The following METTL13 variants were observed in gnomAD, a reference collection of about 807,000 sequenced individuals.
METTL13 encodes the protein eEF1A lysine and N-terminal methyltransferase.
METTL13 carries 52 observed loss-of-function variants against 67.4 expected under a neutral mutation model. That is an observed-to-expected ratio of 0.77 (90% CI 0.62 to 0.97). The LOEUF (loss-of-function observed/expected upper bound fraction) is 0.97, where lower values mean the gene tolerates loss of function less well. METTL13 is among the 50% of genes least tolerant of loss of function. The pLI is 0.00. For synonymous variants in METTL13, 354 were observed against 353.6 expected, an observed-to-expected ratio of 1.00 and a Z score of -0.01; for missense variants, 825 against 889.6, an observed-to-expected ratio of 0.93 and a Z score of 0.92.
rs751149292 is a variant in METTL13, at chr1:171,784,509, G to T, written c.913+10G>T. The T allele has an allele frequency of 3.8e-5, 57 of 1,495,442 alleles. No homozygotes were observed. Among genetic ancestry groups the T allele is most frequent in the Non-Finnish European group, 4.9e-5 (55 of 1,124,136 alleles). The allele number at this position is 1,495,442 out of a possible 1,614,324, so 92.6% of individuals were successfully genotyped here. ...TTTGCGATTTTCATCAGTGAGTTGG[G>T]ATTGCTCCCTCTCTTCCCTGGAGGG... On this transcript the variant is annotated intron_variant, in intron 2 of 7. Coordinates refer to ENST00000361735, the MANE Select transcript of METTL13 (RefSeq NM_015935.5).
At chr1:171,796,451 G>A (rs2232826) in intron 7 of METTL13, 31 bp from the exon 8 acceptor site, 446,022 of 1,609,422 alleles carry the variant, frequency 0.28, 64,354 homozygotes, top group East Asian at 0.56. Context: ...CCTGATGTGA[G>A]GTCATTCTGA....
At position 171,796,402 on chromosome 1, in the gene METTL13, G is replaced by C. The variant is rs1466491306; in HGVS notation, c.1826-80G>C. 9.1e-6 allele frequency: 14 copies of C among 1,530,552 alleles called. No homozygotes were observed. The East Asian group carries it at 2.9e-4, about 32-fold the overall frequency. 94.8% of individuals were successfully genotyped at this position (1,530,552 alleles called of 1,614,324 possible). A position where few individuals can be genotyped will look rare whatever the true frequency, so the allele number is the denominator to read the frequency against. The stretch of plus-strand genomic sequence containing the variant: ...ACCAGTCTCCCTGGGACAGGAATTG[G>C]TATTTTCCTCAAAGCCGATCCTTGT... On this transcript the variant is annotated intron_variant, in intron 7 of 7. Coordinates refer to ENST00000361735, the MANE Select transcript of METTL13 (RefSeq NM_015935.5).
At chr1:171,794,281 T>C in intron 6 of METTL13, 115 bp from the exon 7 acceptor site, 1 of 1,457,336 alleles carries the variant, frequency 6.9e-7, no homozygotes, top group Non-Finnish European at 9.4e-7. Flanking sequence ...CTCTGTGTCA[T>C]CCTTCTAACT....
chr1:171,786,118 T>C (rs1217267691), intron 3 of METTL13, 40 bp downstream of exon 3: 2 of 1,576,370 alleles, frequency 1.3e-6, no homozygotes. Flanking sequence ...GTCTCTGAAG[T>C]CATGTTAGCA....
intron 2 of METTL13, among the ~76,000 whole-genome samples, chr1:171,785,250 G>A (rs1656972269): frequency 6.6e-6 from 1 of 152,220 alleles, no homozygotes; most frequent in Non-Finnish European, 1.5e-5. Context: ...GCTTTCAAAA[G>A]TGGAACATTG....
At chr1:171,794,187 A>T (rs192797806) in intron 6 of METTL13, among the ~76,000 whole-genome samples, 29 of 152,288 alleles carry the variant, frequency 1.9e-4, no homozygotes, top group Admixed American at 1.9e-3. Context: ...AGAAGGTTCC[A>T]TCTTTACTAT....
intron 1 of METTL13, among the ~76,000 whole-genome samples, 183 bp downstream of exon 1, chr1:171,782,303 G>C (rs967171054): frequency 6.6e-6 from 1 of 152,074 alleles, no homozygotes; most frequent in African/African-American, 2.4e-5. Context: ...GGGCGCAGTG[G>C]CTCACACCTG....
Position 171,787,936 on chromosome 1 carries a change from G to T in METTL13, c.1309+6G>T, listed in dbSNP as rs769352150. The stretch of plus-strand genomic sequence containing the variant: ...GAAGGATGTGTCTCACAAAGGTGAG[G>T]TGTCATAGGCACAGTGGTGGGACCC... On this transcript the variant is annotated splice_donor_region_variant and intron_variant, in intron 4 of 7. Transcript: ENST00000361735. 5.0e-6 allele frequency: 8 copies of T among 1,612,866 alleles called. No homozygotes were observed. Among genetic ancestry groups the T allele is most frequent in the Non-Finnish European group, 6.8e-6 (8 of 1,179,824 alleles).
intron 1 of METTL13, 81 bp downstream of exon 1, chr1:171,782,201 A>G: frequency 7.9e-7 from 1 of 1,259,148 alleles, no homozygotes. Flanking sequence ...CTTGGTGGAC[A>G]GTGACAGGCG....
chr1:171,789,247 C>A (rs77713055), intron 4 of METTL13, among the ~76,000 whole-genome samples: 1 of 152,118 alleles, frequency 6.6e-6, no homozygotes, highest in Non-Finnish European at 1.5e-5. Flanking sequence ...AAAAGCACCC[C>A]GACTCCACTC....
rs752800585 is a variant in METTL13, at chr1:171,796,795, T to C, written c.*39T>C. On this transcript the variant is annotated 3_prime_UTR_variant, in exon 8 of 8. Coordinates refer to ENST00000361735, the MANE Select transcript of METTL13 (RefSeq NM_015935.5). Reference sequence around the variant, plus strand: ...GCAGCCCTCCTGCCTAGACTGACCTTGGACTCCCAGCCTGCCAGAGAATGA... The same window carrying C: ...GCAGCCCTCCTGCCTAGACTGACCTCGGACTCCCAGCCTGCCAGAGAATGA... 6.3e-7 allele frequency: 1 copy of C among 1,596,612 alleles called. No individual in the cohort carries two copies. The highest frequency in any genetic ancestry group is 8.5e-7 in the Non-Finnish European group (1 of 1,170,310).
At position 171,781,727 on chromosome 1, in the gene METTL13, A is replaced by C; in HGVS notation, c.-241A>C. On this transcript the variant is annotated 5_prime_UTR_variant, in exon 1 of 8. Coordinates refer to ENST00000361735, the MANE Select transcript of METTL13 (RefSeq NM_015935.5). ...GTGTGAGGGGCTCTTCACGTGGGGA[A>C]GGAACAGCAGGCGCGGAGGAGGGGG... is the stretch of plus-strand genomic sequence containing the variant. The C allele has an allele frequency of 7.8e-7, 1 of 1,283,058 alleles. No individual in the cohort carries two copies. 79.5% of individuals were successfully genotyped at this position (1,283,058 alleles called of 1,614,324 possible).
intron 6 of METTL13, among the ~76,000 whole-genome samples, chr1:171,793,069 G>T (rs1657260216): frequency 6.6e-6 from 1 of 152,198 alleles, no homozygotes; most frequent in African/African-American, 2.4e-5. Flanking sequence ...GTCCTTCGGG[G>T]AGAAGGCAGT....
chr1:171,796,749 T>C lies in METTL13; in HGVS notation c.2093T>C (p.Ile698Thr). The C allele has an allele frequency of 6.2e-7, 1 of 1,613,646 alleles. No individual in the cohort carries two copies. The highest frequency in any genetic ancestry group is 8.5e-7 in the Non-Finnish European group (1 of 1,179,722). ...TCAGATATGCTCAAGACGGTGAAAA[T>C]TGTGTGACTGCTTAGGCCAAGCAGC... ...VLSDMLKTVK[I>T]V Residue 698 changes from isoleucine (I) to threonine (T), a missense_variant, in exon 8 of 8, where the codon ATT becomes ACT. Transcript: ENST00000361735.
chr1:171,783,739 G>A lies in METTL13; in HGVS notation c.154-1G>A. On this transcript the variant is annotated splice_acceptor_variant, in intron 1 of 7. Coordinates refer to ENST00000361735, the MANE Select transcript of METTL13 (RefSeq NM_015935.5). LOFTEE classifies it high-confidence loss of function. The stretch of plus-strand genomic sequence containing the variant: ...CTCTTGTCTGTGAATTTTTTCTCCA[G>A]GTGCTGGTGATTGGGTGTGGCAACT... 1 of 1,597,284 alleles carries A rather than the reference G, an allele frequency of 6.3e-7. No homozygotes were observed. Among genetic ancestry groups the A allele is most frequent in the Non-Finnish European group, 8.5e-7 (1 of 1,170,076 alleles).
In METTL13 at chr1:171,796,891, C is replaced by CACCAAGCTGGAGGT; in HGVS notation, c.*135_*136insACCAAGCTGGAGGT. The CACCAAGCTGGAGGT allele has an allele frequency of 8.4e-7, 1 of 1,185,086 alleles. No homozygotes were observed. Among genetic ancestry groups the CACCAAGCTGGAGGT allele is most frequent in the Non-Finnish European group, 1.2e-6 (1 of 857,574 alleles). The allele number at this position is 1,185,086 out of a possible 1,614,324, so 73.4% of individuals were successfully genotyped here. A position where few individuals can be genotyped will look rare whatever the true frequency, so the allele number is the denominator to read the frequency against. On this transcript the variant is annotated 3_prime_UTR_variant, in exon 8 of 8. Transcript: ENST00000361735. ...TTTCACACTCAGCTACATGTGACCT[C>CACCAAGCTGGAGGT]CAGCTTGGTGAGGTTGCCTGAAGAT...
rs1365626669 is a variant in METTL13, at chr1:171,792,284, AC to A, written c.1693+50del. On this transcript the variant is annotated intron_variant, in intron 6 of 7. Coordinates refer to ENST00000361735, the MANE Select transcript of METTL13 (RefSeq NM_015935.5). ...GGGGTGTTGAGGGATGATTGATGCG[AC>A]ATTGTCAGGCCCGCAAGGGCCTCTA... 1.9e-6 allele frequency: 3 copies of A among 1,604,470 alleles called. No homozygotes were observed. In the East Asian group the frequency reaches 6.7e-5, roughly 36 times the overall value.
chr1:171,781,983 A>G lies in METTL13; in HGVS notation c.16A>G (p.Lys6Glu). MNLLP[K>E]SSREFGSVDY... ...CAGTAGGAACATGAACCTCTTACCT[A>G]AAAGTTCCAGGGAGTTTGGCTCCGT... Residue 6 changes from lysine to glutamate, a missense_variant, in exon 1 of 8, where the codon AAA becomes GAA. Lys to Glu is a moderately conservative substitution (Grantham distance 56, BLOSUM62 1). Coordinates refer to ENST00000361735, the MANE Select transcript of METTL13 (RefSeq NM_015935.5). The G allele has an allele frequency of 6.2e-7, 1 of 1,614,154 alleles. No homozygotes were observed. Among genetic ancestry groups the G allele is most frequent in the Non-Finnish European group, 8.5e-7 (1 of 1,180,018 alleles).
chr1:171,782,657 T>C (rs1322614524), intron 1 of METTL13, among the ~76,000 whole-genome samples: 2 of 152,186 alleles, frequency 1.3e-5, no homozygotes, highest in African/African-American at 4.8e-5. Context: ...GAAGAGTGAC[T>C]TCCCATCTTG....
Sources: allele counts gnomAD v4.1 joint callset (sites outside exome capture counted in the v4.1 genomes callset), GRCh38; gene constraint gnomAD v4.1.1; transcripts MANE v1.5; gene names NCBI Gene and HGNC (gene_info 2026-07-23, HGNC 2026-07-21).